Variants in RFX4 observed in about 807,000 individuals in gnomAD.
RFX4 encodes transcription factor RFX4.
In RFX4, 10 loss-of-function variants were observed where a neutral mutation model predicts 95.0. That is an observed-to-expected ratio of 0.11 (90% CI 0.06 to 0.18). The LOEUF (loss-of-function observed/expected upper bound fraction) is 0.18, where lower values mean the gene tolerates loss of function less well. RFX4 is among the 10% of genes least tolerant of loss of function. The pLI is 1.00. For synonymous variants in RFX4, 321 were observed against 340.7 expected (o/e 0.94, Z 0.64); for missense variants, 640 against 922.0 (o/e 0.69, Z 3.96).
At chr12:106,678,616 G>T (rs1372421309) in intron 4 of RFX4, among the ~76,000 whole-genome samples, 1 of 152,130 alleles carries the variant, frequency 6.6e-6, no homozygotes, top group Non-Finnish European at 1.5e-5. Flanking sequence ...AGTTTATTTA[G>T]TACATAAATA....
chr12:106,749,545 A>G (rs1593014139), intron 16 of RFX4, among the ~76,000 whole-genome samples: 2 of 152,312 alleles, frequency 1.3e-5, no homozygotes, highest in Non-Finnish European at 2.9e-5. Flanking sequence ...CCACACATTT[A>G]GAATAGACTC....
chr12:106,631,689 C>G (rs141804559), intron 2 of RFX4, among the ~76,000 whole-genome samples: 1 of 152,348 alleles, frequency 6.6e-6, no homozygotes, highest in African/African-American at 2.4e-5. Context: ...TCTTGAACTT[C>G]CAAGCCTCCA....
intron 10 of RFX4, among the ~76,000 whole-genome samples, chr12:106,714,333 C>T (rs916167779): frequency 1.3e-5 from 2 of 152,160 alleles, no homozygotes; most frequent in Non-Finnish European, 2.9e-5. Flanking sequence ...ATCCAGGACA[C>T]CTGACCTTTC....
rs2041412375 is a variant in RFX4, at chr12:106,677,331, T to C, written c.316-4662T>C. 2.0e-5 allele frequency among the ~76,000 whole-genome samples: 3 copies of C among 152,014 alleles called. No homozygotes were observed. In the South Asian group the frequency reaches 6.2e-4, roughly 32 times the overall value. ...GAGTGGAAACAGTGTGGCCTTGGCA[T>C]TCCAGGCACAGGGAACAGCACTGTG... On this transcript the variant is annotated intron_variant, in intron 4 of 17. Transcript: ENST00000392842.
At chr12:106,735,975 G>A (rs749474164) in intron 15 of RFX4, among the ~76,000 whole-genome samples, 2 of 152,166 alleles carry the variant, frequency 1.3e-5, no homozygotes, top group Non-Finnish European at 2.9e-5. Flanking sequence ...GGAGGGCTTG[G>A]TCAGGCTATG....
chr12:106,637,340 A>G (rs1181730424), intron 2 of RFX4, among the ~76,000 whole-genome samples: 1 of 152,244 alleles, frequency 6.6e-6, no homozygotes, highest in Non-Finnish European at 1.5e-5. Context: ...ATAAATTTTC[A>G]TCAAGAAGAT....
chr12:106,708,771 C>T (rs939534714), intron 8 of RFX4, among the ~76,000 whole-genome samples: 15 of 152,198 alleles, frequency 9.9e-5, no homozygotes, highest in African/African-American at 3.6e-4. Context: ...CAGTGCTTCG[C>T]CTCTCCAGTT....
intron 15 of RFX4, among the ~76,000 whole-genome samples, chr12:106,746,100 G>A (rs1309568050): frequency 1.3e-5 from 2 of 152,118 alleles, no homozygotes; most frequent in East Asian, 3.9e-4. Context: ...GCTCACGCCT[G>A]TAATCCCAGT....
chr12:106,680,751 C>T (rs1189825870), intron 4 of RFX4: 1 of 152,212 alleles, frequency 6.6e-6, no homozygotes, highest in Non-Finnish European at 1.5e-5. Context: ...GTCATCAGGA[C>T]AATCAGTGGT....
chr12:106,740,228 G>A (rs1432367386), intron 15 of RFX4, among the ~76,000 whole-genome samples: 5 of 152,220 alleles, frequency 3.3e-5, no homozygotes, highest in African/African-American at 1.2e-4. Flanking sequence ...CTGCCCAGCT[G>A]CATTTTCTCT....
chr12:106,657,288 A>G (rs2040979086), intron 4 of RFX4, among the ~76,000 whole-genome samples: 1 of 152,188 alleles, frequency 6.6e-6, no homozygotes, highest in African/African-American at 2.4e-5. Context: ...GCTTTTGGAG[A>G]ACAAATACAT....
intron 1 of RFX4, among the ~76,000 whole-genome samples, chr12:106,598,821 C>T (rs1022033216): frequency 1.3e-5 from 2 of 152,062 alleles, no homozygotes; most frequent in African/African-American, 4.8e-5. Flanking sequence ...TAGCCTTGGC[C>T]TCAATGATTC....
chr12:106,737,984 T>C (rs7958761), intron 15 of RFX4, among the ~76,000 whole-genome samples: 2,755 of 152,324 alleles, frequency 0.018, 45 homozygotes, highest in Middle Eastern at 0.048. Flanking sequence ...TCAGAAAAAG[T>C]ACGTGTAGTG....
intron 16 of RFX4, among the ~76,000 whole-genome samples, chr12:106,749,970 A>G (rs2042968620): frequency 6.6e-6 from 1 of 152,080 alleles, no homozygotes; most frequent in Admixed American, 6.5e-5. Flanking sequence ...GTTTTTTGTT[A>G]TCCCTATTTG....
At chr12:106,599,314 A>T (rs79670209) in intron 1 of RFX4, among the ~76,000 whole-genome samples, 29,427 of 151,974 alleles carry the variant, frequency 0.19, 3,455 homozygotes, top group African/African-American at 0.32. Flanking sequence ...CTATTGTACA[A>T]TTGGTGTTAT....
intron 4 of RFX4, among the ~76,000 whole-genome samples, chr12:106,678,243 C>T (rs2041435875): frequency 6.6e-6 from 1 of 152,152 alleles, no homozygotes; most frequent in Non-Finnish European, 1.5e-5. Context: ...CTCTAGAACA[C>T]AGTCGGCAAC....
chr12:106,611,918 C>T (rs1245227234), intron 2 of RFX4, among the ~76,000 whole-genome samples: 1 of 152,218 alleles, frequency 6.6e-6, no homozygotes, highest in Non-Finnish European at 1.5e-5. Flanking sequence ...TGTCAAAAAA[C>T]ATTTGATCAT....
At chr12:106,626,139 A>G (rs2040294314) in intron 2 of RFX4, among the ~76,000 whole-genome samples, 2 of 152,228 alleles carry the variant, frequency 1.3e-5, no homozygotes, top group Non-Finnish European at 2.9e-5. Flanking sequence ...ATCCTGGCCT[A>G]TAGCATAGAC....
At chr12:106,700,483 T>C (rs1322493492) in intron 8 of RFX4, among the ~76,000 whole-genome samples, 1 of 145,036 alleles carries the variant, frequency 6.9e-6, no homozygotes, top group African/African-American at 2.6e-5. Context: ...CTCGGCTCAC[T>C]GCAAGCTCCG....
Sources: allele counts gnomAD v4.1 joint callset (sites outside exome capture counted in the v4.1 genomes callset), GRCh38; gene constraint gnomAD v4.1.1; transcripts MANE v1.5; gene names NCBI Gene and HGNC (gene_info 2026-07-23, HGNC 2026-07-21).